Variants in CAMTA1 observed in about 807,000 individuals in gnomAD.
The protein encoded by CAMTA1 is calmodulin binding transcription activator 1.
A neutral mutation model predicts 170.9 loss-of-function variants in CAMTA1; 27 were observed. The ratio of observed to expected loss-of-function variants is 0.16; its 90% CI spans 0.12 to 0.22. The LOEUF is 0.22. CAMTA1 is among the 10% of genes least tolerant of loss of function. CAMTA1 has a pLI of 1.00. For missense variants in CAMTA1, 1,619 were observed against 2,217.2 expected (o/e 0.73, Z 5.42); for synonymous variants, 833 against 891.5 (o/e 0.93, Z 1.17).
In CAMTA1 at chr1:7,738,626, C is replaced by G; in HGVS notation, c.4182+144C>G. ...TTTGTGCAGAACATCGTTGGAGTAT[C>G]TTCTTTCCTTGGGGCCACATTTTCA... On this transcript the variant is annotated intron_variant, in intron 16 of 22. Transcript: ENST00000303635. The surrounding 1 kb of genome is among the most constrained non-coding windows in gnomAD (Gnocchi z 4.9). 1.1e-6 allele frequency: 1 copy of G among 870,858 alleles called. No homozygotes were observed. Among genetic ancestry groups the G allele is most frequent in the Non-Finnish European group, 1.7e-6 (1 of 584,116 alleles). 53.9% of individuals were successfully genotyped at this position (870,858 alleles called of 1,614,324 possible).
At chr1:7,382,597 C>T (rs1314036114) in intron 5 of CAMTA1, 2 of 152,178 alleles carry the variant, frequency 1.3e-5, no homozygotes, top group African/African-American at 2.4e-5. Context: ...ATTTGAATTC[C>T]GTAATAAGCC....
intron 6 of CAMTA1, among the ~76,000 whole-genome samples, chr1:7,541,950 C>T (rs1288206465): frequency 3.3e-5 from 5 of 152,216 alleles, no homozygotes; most frequent in African/African-American, 1.2e-4. Flanking sequence ...ACTGCTTCCT[C>T]GGCGTTCCTC....
intron 22 of CAMTA1, among the ~76,000 whole-genome samples, chr1:7,757,714 C>T (rs1185940674): frequency 1.3e-5 from 2 of 151,464 alleles, no homozygotes; most frequent in East Asian, 3.9e-4. Context: ...CCAGCCTGGG[C>T]GACAGAGCAA....
At chr1:7,537,984 G>C (rs975034590) in intron 6 of CAMTA1, among the ~76,000 whole-genome samples, 5 of 152,186 alleles carry the variant, frequency 3.3e-5, no homozygotes, top group Non-Finnish European at 5.9e-5. Flanking sequence ...CGTGGCTCTA[G>C]GTTTTTCTCT....
intron 11 of CAMTA1, among the ~76,000 whole-genome samples, chr1:7,689,417 T>A (rs780525440): frequency 1.5e-4 from 22 of 149,088 alleles, no homozygotes; most frequent in East Asian, 4.0e-4. Flanking sequence ...TGACAAAAAA[T>A]ACAAAAATTA....
At chr1:7,164,588 T>C (rs149126132) in intron 4 of CAMTA1, among the ~76,000 whole-genome samples, 2 of 152,342 alleles carry the variant, frequency 1.3e-5, no homozygotes, top group African/African-American at 4.8e-5. Context: ...CATCCTGTCA[T>C]GTGCGGAATT....
At chr1:6,995,872 A>G (rs1156946809) in intron 3 of CAMTA1, among the ~76,000 whole-genome samples, 1 of 152,184 alleles carries the variant, frequency 6.6e-6, no homozygotes, top group Non-Finnish European at 1.5e-5. Context: ...AGACAGGCAT[A>G]AGACTGGCTA....
chr1:7,754,437 T>G (rs1476969515), intron 21 of CAMTA1, among the ~76,000 whole-genome samples: 5 of 152,312 alleles, frequency 3.3e-5, no homozygotes, highest in Non-Finnish European at 7.4e-5. Context: ...CATCTCCCTT[T>G]TGTTTTTGCC....
At chr1:6,873,772 A>G (rs546262913) in intron 3 of CAMTA1, among the ~76,000 whole-genome samples, 1 of 152,202 alleles carries the variant, frequency 6.6e-6, no homozygotes, top group Non-Finnish European at 1.5e-5. Flanking sequence ...CTTATTTCCA[A>G]TGAGCCTTGT....
rs1230016670 is a variant in CAMTA1, at chr1:7,321,530, C to T, written c.438+71904C>T. On this transcript the variant is annotated intron_variant, in intron 5 of 22. Coordinates refer to ENST00000303635, the MANE Select transcript of CAMTA1 (RefSeq NM_015215.4). ...TTTGGTCTTTCCTGTGGAACATGCT[C>T]ATCCCCAGGTATTCTGGGCATACAT... Among the ~76,000 whole-genome samples, 12 of 152,198 alleles carry T rather than the reference C, an allele frequency of 7.9e-5. No individual in the cohort carries two copies. In the South Asian group the frequency reaches 2.1e-3, roughly 26 times the overall value.
intron 2 of CAMTA1, among the ~76,000 whole-genome samples, chr1:6,821,906 A>G (rs1309420891): frequency 2.0e-5 from 3 of 152,278 alleles, no homozygotes; most frequent in Non-Finnish European, 2.9e-5. Context: ...TACACCTTGT[A>G]GGTTGACTAG....
At chr1:7,466,941 A>G (rs1178839672) in intron 5 of CAMTA1, among the ~76,000 whole-genome samples, 1 of 152,078 alleles carries the variant, frequency 6.6e-6, no homozygotes, top group African/African-American at 2.4e-5. Context: ...GACCTGATCA[A>G]TGGTTCTCCT....
chr1:7,657,967 G>A (rs2095919171), intron 7 of CAMTA1, among the ~76,000 whole-genome samples: 1 of 152,216 alleles, frequency 6.6e-6, no homozygotes, highest in Non-Finnish European at 1.5e-5. Context: ...CATCAGGACT[G>A]GAGGAGAAAC....
intron 6 of CAMTA1, among the ~76,000 whole-genome samples, chr1:7,479,110 G>A (rs2093471565): frequency 6.6e-6 from 1 of 152,226 alleles, no homozygotes; most frequent in African/African-American, 2.4e-5. Flanking sequence ...GTTGGTCTGT[G>A]TGGGCGTGTC....
intron 3 of CAMTA1, among the ~76,000 whole-genome samples, chr1:7,052,790 G>C (rs1706625384): frequency 2.0e-5 from 3 of 152,168 alleles, no homozygotes; most frequent in Admixed American, 1.3e-4. Context: ...CCTTGGCTCT[G>C]TCTGATTCTC....
At chr1:7,442,656 C>G (rs547392353) in intron 5 of CAMTA1, among the ~76,000 whole-genome samples, 34 of 152,296 alleles carry the variant, frequency 2.2e-4, no homozygotes, top group African/African-American at 7.7e-4. Flanking sequence ...CGTGACTTGG[C>G]TGAGGTTCTC....
At chr1:7,550,657 C>T (rs531615494) in intron 6 of CAMTA1, among the ~76,000 whole-genome samples, 1 of 150,692 alleles carries the variant, frequency 6.6e-6, no homozygotes, top group South Asian at 2.1e-4. Context: ...TACCTGGCCT[C>T]CTCGCAGCTG....
intron 5 of CAMTA1, among the ~76,000 whole-genome samples, chr1:7,447,440 G>T (rs1408991630): frequency 6.6e-6 from 1 of 151,276 alleles, no homozygotes; most frequent in Non-Finnish European, 1.5e-5. Context: ...GGGGGGTGAG[G>T]GGGTGGGGGA....
rs147811007 is a variant in CAMTA1 at position 7,707,949 on chromosome 1, C to T, written c.2915-24499C>T. On this transcript the variant is annotated intron_variant, in intron 11 of 22. Transcript: ENST00000303635. ...TGACAGGCAGACAAGGAGATGCCGT[C>T]GCCATCAGGAGATAGTTACTCTTCA... 1.8e-3 allele frequency among the ~76,000 whole-genome samples: 268 copies of T among 152,300 alleles called. 1 individual carries two copies. Among genetic ancestry groups the T allele is most frequent in the African/African-American group, 6.3e-3 (262 of 41,566 alleles).
Sources: allele counts gnomAD v4.1 joint callset (sites outside exome capture counted in the v4.1 genomes callset), GRCh38; gene constraint gnomAD v4.1.1; non-coding constraint Gnocchi (gnomAD v3.1); transcripts MANE v1.5; gene names NCBI Gene and HGNC (gene_info 2026-07-23, HGNC 2026-07-21).